The following GPM6A variants were observed in gnomAD, a reference collection of about 807,000 sequenced individuals.
GPM6A encodes neuronal membrane glycoprotein M6-a.
In GPM6A, 7 loss-of-function variants were observed where a neutral mutation model predicts 32.1. The observed-to-expected ratio is 0.22, with a 90% CI of 0.12 to 0.41. The LOEUF (loss-of-function observed/expected upper bound fraction) is 0.41. Ranked by LOEUF, GPM6A falls within the 10% of genes least tolerant of loss-of-function variation. GPM6A has a pLI of 1.00. For missense variants in GPM6A, 235 were observed against 347.2 expected (o/e 0.68, Z 2.57); for synonymous variants, 130 against 123.4 (o/e 1.05, Z -0.35).
intron 1 of GPM6A, among the ~76,000 whole-genome samples, chr4:175,860,096 G>T (rs1736529269): frequency 1.3e-5 from 2 of 151,678 alleles, no homozygotes; most frequent in Admixed American, 6.6e-5. Context: ...TAAAAAAGAA[G>T]AAAGATCTAA....
At chr4:175,999,925 T>C (rs1451715184) in intron 1 of GPM6A, among the ~76,000 whole-genome samples, 1 of 152,152 alleles carries the variant, frequency 6.6e-6, no homozygotes, top group Non-Finnish European at 1.5e-5. Context: ...CATAAGTAAA[T>C]TAAAAGAAAG....
chr4:175,665,751 C>T (rs2110960162), intron 3 of GPM6A, among the ~76,000 whole-genome samples: 1 of 150,840 alleles, frequency 6.6e-6, no homozygotes, highest in East Asian at 2.0e-4. Flanking sequence ...CACTGCACTC[C>T]AGCCTGGGCA....
chr4:175,947,633 T>G (rs1021305841), intron 1 of GPM6A: 4 of 152,198 alleles, frequency 2.6e-5, no homozygotes, highest in African/African-American at 9.6e-5. Flanking sequence ...CAAATGTTCT[T>G]GCATTCATTA....
intron 3 of GPM6A, among the ~76,000 whole-genome samples, chr4:175,661,058 C>G (rs1051662641): frequency 3.3e-5 from 5 of 152,120 alleles, no homozygotes; most frequent in African/African-American, 1.2e-4. Context: ...TCAGTATATA[C>G]TTGGTGTATA....
chr4:175,884,488 T>C (rs1177353927), intron 1 of GPM6A, among the ~76,000 whole-genome samples: 13 of 152,118 alleles, frequency 8.5e-5, no homozygotes, highest in Admixed American at 8.5e-4. Flanking sequence ...AAATCCAACA[T>C]TTGAACTCAT....
intron 1 of GPM6A, among the ~76,000 whole-genome samples, chr4:175,960,128 C>T (rs930068840): frequency 6.6e-6 from 1 of 152,140 alleles, no homozygotes; most frequent in African/African-American, 2.4e-5. Context: ...TTACAAATGT[C>T]CTGACTTGTT....
chr4:175,844,728 A>G (rs1736038396), intron 1 of GPM6A, among the ~76,000 whole-genome samples: 1 of 152,188 alleles, frequency 6.6e-6, no homozygotes, highest in South Asian at 2.1e-4. Context: ...ACAAAAACCA[A>G]GTTTTCTAAA....
chr4:175,718,340 G>A (rs913157706), intron 1 of GPM6A, among the ~76,000 whole-genome samples: 1 of 152,150 alleles, frequency 6.6e-6, no homozygotes, highest in African/African-American at 2.4e-5. Context: ...ATTAGACTGG[G>A]TGTGGTGGCT....
intron 1 of GPM6A, among the ~76,000 whole-genome samples, chr4:175,980,838 T>G (rs962886319): frequency 1.3e-5 from 2 of 151,684 alleles, no homozygotes; most frequent in Non-Finnish European, 3.0e-5. Flanking sequence ...GGTTTGATGT[T>G]TGTTTGTTAG....
chr4:175,682,212 AT>A (rs1457369546), intron 2 of GPM6A, among the ~76,000 whole-genome samples: 5 of 152,116 alleles, frequency 3.3e-5, no homozygotes, highest in Middle Eastern at 6.8e-3. Flanking sequence ...CAAAGTGATG[AT>A]TTAGGGTATC....
chr4:175,751,039 G>A (rs568364051), intron 1 of GPM6A, among the ~76,000 whole-genome samples: 5 of 152,208 alleles, frequency 3.3e-5, no homozygotes, highest in African/African-American at 1.2e-4. Context: ...GTAATACATT[G>A]CAAATGTGAG....
intron 1 of GPM6A, among the ~76,000 whole-genome samples, chr4:175,795,291 T>A (rs1316425071): frequency 6.6e-6 from 1 of 152,206 alleles, no homozygotes; most frequent in Non-Finnish European, 1.5e-5. Flanking sequence ...CCTATGGCTA[T>A]CTGAGGCAGG....
chr4:175,744,765 CA>C (rs1732031017), intron 1 of GPM6A, among the ~76,000 whole-genome samples: 1 of 152,106 alleles, frequency 6.6e-6, no homozygotes, highest in Non-Finnish European at 1.5e-5. Context: ...TCCATCAATA[CA>C]AAACACTCTA....
intron 1 of GPM6A, among the ~76,000 whole-genome samples, chr4:175,963,421 G>A (rs1341469143): frequency 6.6e-6 from 1 of 152,204 alleles, no homozygotes; most frequent in African/African-American, 2.4e-5. Context: ...GGTGGAGAGT[G>A]GGTGAGCCTA....
intron 1 of GPM6A, among the ~76,000 whole-genome samples, chr4:176,000,549 G>A (rs1262172331): frequency 6.6e-6 from 1 of 152,152 alleles, no homozygotes. Flanking sequence ...CAGTCCTCTC[G>A]AGCTTGAGGT....
At chr4:175,862,837 TTA>T (rs1736614242) in intron 1 of GPM6A, among the ~76,000 whole-genome samples, 1 of 152,192 alleles carries the variant, frequency 6.6e-6, no homozygotes, top group Non-Finnish European at 1.5e-5. Context: ...AAAATAAATT[TTA>T]TGTCTCGTGT....
At chr4:175,639,386 A>T (rs1042438441) in intron 6 of GPM6A, among the ~76,000 whole-genome samples, 1 of 152,296 alleles carries the variant, frequency 6.6e-6, no homozygotes, top group East Asian at 1.9e-4. Flanking sequence ...CCATCTTTAC[A>T]TATTGACTCG....
chr4:175,687,557 T>A (rs1347151892), intron 2 of GPM6A, among the ~76,000 whole-genome samples: 1 of 152,058 alleles, frequency 6.6e-6, no homozygotes, highest in Non-Finnish European at 1.5e-5. Context: ...TACTGTATTT[T>A]CTTTATGCAT....
intron 1 of GPM6A, among the ~76,000 whole-genome samples, chr4:175,958,649 G>C (rs758485900): frequency 3.3e-5 from 5 of 152,176 alleles, no homozygotes; most frequent in Non-Finnish European, 7.3e-5. Flanking sequence ...GACACTTTGA[G>C]TGTATATTAG....
Sources: allele counts gnomAD v4.1 joint callset (sites outside exome capture counted in the v4.1 genomes callset), GRCh38; gene constraint gnomAD v4.1.1; transcripts MANE v1.5; gene names NCBI Gene and HGNC (gene_info 2026-07-23, HGNC 2026-07-21).